The following ANKRD30B variants were observed in gnomAD, a reference collection of about 807,000 sequenced individuals.
The protein encoded by ANKRD30B is ankyrin repeat domain-containing protein 30B.
In ANKRD30B, 144 loss-of-function variants were observed where a neutral mutation model predicts 202.2. The ratio of observed to expected loss-of-function variants is 0.71; its 90% CI spans 0.62 to 0.82. The LOEUF is 0.82. Ranked by LOEUF, ANKRD30B falls within the 40% of genes least tolerant of loss-of-function variation. The probability of loss-of-function intolerance (pLI) is 0.00; values close to 1 mark genes in which losing one functional copy is unlikely to be tolerated. For missense variants in ANKRD30B, 1,487 were observed against 1,669.1 expected (o/e 0.89, Z 1.90); for synonymous variants, 508 against 561.3 (o/e 0.91, Z 1.34).
the ANKRD30B span, among the ~76,000 whole-genome samples, chr18:14,874,677 C>A: frequency 6.6e-6 from 1 of 152,100 alleles, no homozygotes; most frequent in South Asian, 2.1e-4. Flanking sequence ...CTTGGCCACC[C>A]TCCCGAAGTT....
chr18:14,844,479 A>G (rs1971549282), intron 39 of ANKRD30B, among the ~76,000 whole-genome samples: 1 of 152,230 alleles, frequency 6.6e-6, no homozygotes, highest in Admixed American at 6.5e-5. Context: ...AATCCAGTCT[A>G]TCATTGATGG....
chr18:14,822,848 G>A (rs1426865065), intron 32 of ANKRD30B, among the ~76,000 whole-genome samples, 171 bp downstream of exon 32: 12 of 150,512 alleles, frequency 8.0e-5, no homozygotes, highest in South Asian at 2.1e-4. Flanking sequence ...ATTTACAAGC[G>A]TAAGATTTAG....
chr18:14,882,177 C>T, the ANKRD30B span, among the ~76,000 whole-genome samples: 1 of 152,090 alleles, frequency 6.6e-6, no homozygotes, highest in Non-Finnish European at 1.5e-5. Context: ...GTTCCTGCTT[C>T]TCTGGTTCCC....
intron 15 of ANKRD30B, among the ~76,000 whole-genome samples, chr18:14,790,020 G>A (rs1968360997): frequency 6.6e-6 from 1 of 152,214 alleles, no homozygotes; most frequent in African/African-American, 2.4e-5. Flanking sequence ...TCCTACCCAT[G>A]AGCATGGAAT....
chr18:14,815,950 A>G (rs1970077140), intron 30 of ANKRD30B, among the ~76,000 whole-genome samples: 1 of 152,136 alleles, frequency 6.6e-6, no homozygotes, highest in South Asian at 2.1e-4. Context: ...ATTTAGTATT[A>G]TTCTCTAAGT....
the ANKRD30B span, among the ~76,000 whole-genome samples, chr18:14,881,588 T>C: frequency 6.6e-6 from 1 of 152,330 alleles, no homozygotes; most frequent in South Asian, 2.1e-4. Flanking sequence ...AGGGTGACGC[T>C]GGCTTCATAG....
intron 15 of ANKRD30B, among the ~76,000 whole-genome samples, chr18:14,788,935 C>G (rs368209491): frequency 1.9e-4 from 29 of 152,250 alleles, no homozygotes; most frequent in African/African-American, 3.9e-4. Context: ...GGGTCAAATG[C>G]TATTTCTAGT....
Position 14,830,464 on chromosome 18 carries a change from C to A in ANKRD30B, c.2775-919C>A, listed in dbSNP as rs548958987. On this transcript the variant is annotated intron_variant, in intron 33 of 43. Coordinates refer to ENST00000690538, the MANE Select transcript of ANKRD30B (RefSeq NM_001367607.2). Reference sequence around the variant, plus strand: ...TAACAAATATAGATTTGTATTTTGACATTTGTAGGTTCAGCTTTTCAACAT... The same window carrying A: ...TAACAAATATAGATTTGTATTTTGAAATTTGTAGGTTCAGCTTTTCAACAT... 1.3e-3 allele frequency among the ~76,000 whole-genome samples: 198 copies of A among 152,158 alleles called. 1 individual carries two copies. The highest frequency in any genetic ancestry group is 1.5e-3 in the Non-Finnish European group (105 of 67,986).
chr18:14,848,191 G>C (rs534190566), intron 39 of ANKRD30B, among the ~76,000 whole-genome samples: 59 of 151,690 alleles, frequency 3.9e-4, no homozygotes, highest in Admixed American at 7.9e-4. Flanking sequence ...CATCTTCTTT[G>C]CCTAATGTCC....
At chr18:14,820,228 G>A (rs1300970296) in intron 30 of ANKRD30B, among the ~76,000 whole-genome samples, 11 of 152,140 alleles carry the variant, frequency 7.2e-5, no homozygotes, top group African/African-American at 2.7e-4. Flanking sequence ...CTGAGACTTT[G>A]CTGAATTTGC....
At chr18:14,880,790 C>G in the ANKRD30B span, among the ~76,000 whole-genome samples, 2 of 151,962 alleles carry the variant, frequency 1.3e-5, no homozygotes, top group African/African-American at 4.8e-5. Context: ...CTTTTGATTC[C>G]TTTGCTAGGT....
the ANKRD30B span, among the ~76,000 whole-genome samples, chr18:14,928,560 C>T: frequency 6.6e-6 from 1 of 152,154 alleles, no homozygotes; most frequent in Admixed American, 6.5e-5. Context: ...CAGAAGTTCA[C>T]TATCAGCGAT....
At position 14,778,646 on chromosome 18, in the gene ANKRD30B, C is replaced by T. The variant is rs1967529639; in HGVS notation, c.1420+571C>T. Among the ~76,000 whole-genome samples the T allele has an allele frequency of 3.3e-5, 5 of 151,950 alleles. No individual in the cohort carries two copies. The South Asian group carries it at 8.3e-4, about 25-fold the overall frequency. ...GTGTATATAATTTGTCATATACACT[C>T]GGTATTGACCAGAAGTTTTCAAACT... On this transcript the variant is annotated intron_variant, in intron 10 of 43. Transcript: ENST00000690538.
At chr18:14,805,091 T>A (rs1173459233) in intron 24 of ANKRD30B, among the ~76,000 whole-genome samples, 5 of 150,622 alleles carry the variant, frequency 3.3e-5, no homozygotes. Context: ...ATATATTTTG[T>A]TGATATTCAC....
At chr18:14,793,188 A>G (rs1487441138) in intron 16 of ANKRD30B, among the ~76,000 whole-genome samples, 9 of 152,004 alleles carry the variant, frequency 5.9e-5, no homozygotes, top group African/African-American at 2.2e-4. Context: ...ATGAATATTT[A>G]TATTTAGTAT....
intron 43 of ANKRD30B, among the ~76,000 whole-genome samples, 22 bp downstream of exon 43, chr18:14,853,965 G>A (rs1971989430): frequency 6.6e-6 from 1 of 152,054 alleles, no homozygotes; most frequent in African/African-American, 2.4e-5. Context: ...GATTTAATGA[G>A]GAAATGATTT....
At chr18:14,918,664 CTG>C in the ANKRD30B span, among the ~76,000 whole-genome samples, 4 of 152,106 alleles carry the variant, frequency 2.6e-5, no homozygotes, top group Admixed American at 6.5e-5. Flanking sequence ...AAGAAAAAAA[CTG>C]TAAATATACA....
the ANKRD30B span, among the ~76,000 whole-genome samples, chr18:14,932,941 G>GA: frequency 2.2e-4 from 34 of 152,038 alleles, 2 homozygotes; most frequent in South Asian, 5.2e-3. Context: ...TTTTTGGAGG[G>GA]AAAAAAATAC....
At chr18:14,921,564 G>GAA in the ANKRD30B span, among the ~76,000 whole-genome samples, 29 of 151,000 alleles carry the variant, frequency 1.9e-4, no homozygotes, top group South Asian at 1.9e-3. Context: ...AGTAAAAAGG[G>GAA]AAAAAAAAAT....
Sources: allele counts gnomAD v4.1 joint callset (sites outside exome capture counted in the v4.1 genomes callset), GRCh38; gene constraint gnomAD v4.1.1; transcripts MANE v1.5; gene names NCBI Gene and HGNC (gene_info 2026-07-23, HGNC 2026-07-21).